The following SEPTIN12 variants were observed in gnomAD, a reference collection of about 807,000 sequenced individuals.
SEPTIN12 encodes septin 12.
SEPTIN12 carries 42 observed loss-of-function variants against 37.7 expected under a neutral mutation model. The ratio of observed to expected loss-of-function variants is 1.11; its 90% CI spans 0.87 to 1.44. The LOEUF (loss-of-function observed/expected upper bound fraction) is 1.44. SEPTIN12 is among the 40% of genes most tolerant of loss of function. The pLI is 0.00. For missense variants in SEPTIN12, 613 were observed against 479.2 expected (o/e 1.28, Z -2.61); for synonymous variants, 254 against 196.7 (o/e 1.29, Z -2.44).
chr16:4,785,858 A>G lies in SEPTIN12; in HGVS notation c.323T>C (p.Leu108Pro). Residue 108 changes from leucine to proline, a missense_variant, in exon 4 of 10, where the codon CTG becomes CCG. Leu to Pro is a moderately conservative substitution (Grantham distance 98, BLOSUM62 -3). Transcript: ENST00000268231. ...GAAGCCGGGCGTGTCCGTCACCGTC[A>G]GCTTCAGCTTCACACCCTTCTCCTC... ...VIEEKGVKLK[L>P]TVTDTPGFGD... 1 of 1,609,948 alleles carries G rather than the reference A, an allele frequency of 6.2e-7. No homozygotes were observed. The highest frequency in any genetic ancestry group is 8.5e-7 in the Non-Finnish European group (1 of 1,178,682).
In SEPTIN12 at chr16:4,787,677, G is replaced by C; in HGVS notation, c.-22-10C>G. On this transcript the variant is annotated splice_polypyrimidine_tract_variant and intron_variant, in intron 1 of 9. Transcript: ENST00000268231. ...CAAGGGTTCGAGATGCCTGTCACCA[G>C]GTGGGTGGGGAGAAGGGGGTCACTG... The C allele has an allele frequency of 7.7e-7, 1 of 1,301,606 alleles. No individual in the cohort carries two copies. The highest frequency in any genetic ancestry group is 1.1e-6 in the Non-Finnish European group (1 of 933,856). 80.6% of individuals were successfully genotyped at this position (1,301,606 alleles called of 1,614,324 possible).
At chr16:4,787,026 C>G (rs2082464662) in intron 2 of SEPTIN12, among the ~76,000 whole-genome samples, 1 of 152,070 alleles carries the variant, frequency 6.6e-6, no homozygotes, top group Admixed American at 6.6e-5. Flanking sequence ...CAGGCGCCCA[C>G]CACCACGCCT....
Position 4,783,964 on chromosome 16 carries a change from C to G in SEPTIN12, c.479G>C (p.Cys160Ser), listed in dbSNP as rs772419967. The change falls in exon 5 of 10, where the codon TGC (cysteine) becomes TCC (serine). Residue 160 changes from cysteine to serine, a missense_variant. Transcript: ENST00000268231. ...AGTGGGTGGTACAAAGTACACGCAGCAGTGCACCCGGGTGTCTGGGATGTG... is the reference window on the plus strand; with the variant it reads ...AGTGGGTGGTACAAAGTACACGCAGGAGTGCACCCGGGTGTCTGGGATGTG... ...QRHIPDTRVHCCVYFVPPTGH... is the reference protein window; with the variant it reads ...QRHIPDTRVHSCVYFVPPTGH... 1.7e-5 allele frequency: 27 copies of G among 1,614,068 alleles called. No individual in the cohort carries two copies. The highest frequency in any genetic ancestry group is 2.0e-5 in the Non-Finnish European group (24 of 1,180,034).
chr16:4,787,902 C>T (rs534390201), intron 1 of SEPTIN12: 1 of 452,388 alleles, frequency 2.2e-6, no homozygotes, highest in Non-Finnish European at 4.0e-6. Context: ...GCCCAAGGGT[C>T]TGCCCTGTCC....
intron 7 of SEPTIN12, among the ~76,000 whole-genome samples, chr16:4,782,475 A>G (rs2141870583): frequency 6.6e-6 from 1 of 152,316 alleles, no homozygotes; most frequent in Admixed American, 6.5e-5. Flanking sequence ...GTAGGAGTTC[A>G]GTTGCTGGGT....
At chr16:4,791,806 G>C (rs915457457), upstream of SEPTIN12, among the ~76,000 whole-genome samples, 16 of 152,104 alleles carry the variant, frequency 1.1e-4, 1 homozygote, top group African/African-American at 3.9e-4. Context: ...TCCTGCCTCA[G>C]CTTCCCGAGT....
chr16:4,784,019 G>A lies in SEPTIN12; in HGVS notation c.424C>T (p.Gln142Ter). 4 of 1,614,158 alleles carry A rather than the reference G, an allele frequency of 2.5e-6. No individual in the cohort carries two copies. Among genetic ancestry groups the A allele is most frequent in the African/African-American group, 1.3e-5 (1 of 75,056 alleles). ...YINEQYEQYL[Q>*]EEILITRQRH... The stretch of plus-strand genomic sequence containing the variant: ...TGGCGGGTGATGAGGATCTCCTCCT[G>A]CAGGTACTGCTCGTATTGCTCGTTG... Residue 142 changes from glutamine (Q) to a stop codon, truncating the protein, a stop_gained, in exon 5 of 10, where the codon CAG (glutamine) becomes TAG (stop). Coordinates refer to ENST00000268231, the MANE Select transcript of SEPTIN12 (RefSeq NM_144605.5). LOFTEE classifies it high-confidence loss of function.
At chr16:4,782,937 C>G (rs1418975954) in intron 7 of SEPTIN12, among the ~76,000 whole-genome samples, 3 of 150,332 alleles carry the variant, frequency 2.0e-5, no homozygotes, top group Non-Finnish European at 4.4e-5. Flanking sequence ...TGGAGTTTCA[C>G]TCTTCTTGCC....
chr16:4,783,486 G>T lies in SEPTIN12; in HGVS notation c.702C>A (p.Asp234Glu), dbSNP rs2082395467. The part of the protein sequence containing the change: ...PQMCFDEDIN[D>E]KILNSKLRDR... ...CCCGTAACTTGCTGTTGAGGATTTT[G>T]TCATTGATGTCCTCGTCAAAGCACA... Residue 234 changes from aspartate (D) to glutamate (E), a missense_variant, in exon 7 of 10, where the codon GAC becomes GAA. Coordinates refer to ENST00000268231, the MANE Select transcript of SEPTIN12 (RefSeq NM_144605.5). 2 of 1,613,978 alleles carry T rather than the reference G, an allele frequency of 1.2e-6. No individual in the cohort carries two copies. Among genetic ancestry groups the T allele is most frequent in the African/African-American group, 2.7e-5 (2 of 74,920 alleles).
chr16:4,785,158 G>C (rs890924879), intron 4 of SEPTIN12, among the ~76,000 whole-genome samples: 2 of 152,134 alleles, frequency 1.3e-5, no homozygotes, highest in South Asian at 2.1e-4. Context: ...GCTGAGGCAG[G>C]AGAATTGCTT....
chr16:4,783,385 G>A (rs992331498), intron 7 of SEPTIN12, 77 bp downstream of exon 7: 5 of 1,087,198 alleles, frequency 4.6e-6, no homozygotes, highest in Middle Eastern at 2.7e-4. Context: ...GAGATGTAGA[G>A]AAAGATGAGT....
At chr16:4,778,188 G>C (rs753531615) in intron 8 of SEPTIN12, 51 bp from the exon 9 acceptor site, 1 of 1,584,618 alleles carries the variant, frequency 6.3e-7, no homozygotes, top group South Asian at 1.1e-5. Flanking sequence ...CACTGAGTAA[G>C]TGCCTACTGT....
At chr16:4,791,331 G>A (rs2082547972), upstream of SEPTIN12, among the ~76,000 whole-genome samples, 1 of 152,210 alleles carries the variant, frequency 6.6e-6, no homozygotes, top group Non-Finnish European at 1.5e-5. Flanking sequence ...TGACTATGGT[G>A]GAAGAGGACA....
At chr16:4,791,715 T>C (rs2082553752), upstream of SEPTIN12, among the ~76,000 whole-genome samples, 1 of 152,160 alleles carries the variant, frequency 6.6e-6, no homozygotes, top group African/African-American at 2.4e-5. Context: ...TGAGACACAG[T>C]CTCACTCTGT....
rs199937179 is a variant in SEPTIN12 at position 4,786,112 on chromosome 16, G to A, written c.167-7C>T. ...TTGCCCAGCCCGCTTTGCCCTGGGA[G>A]TGGCAACCGGATGACAGCAGTTAGG... On this transcript the variant is annotated splice_region_variant and splice_polypyrimidine_tract_variant and intron_variant, in intron 2 of 9. Coordinates refer to ENST00000268231, the MANE Select transcript of SEPTIN12 (RefSeq NM_144605.5). 1.3e-6 allele frequency: 2 copies of A among 1,596,056 alleles called. No homozygotes were observed. Among genetic ancestry groups the A allele is most frequent in the Admixed American group, 1.7e-5 (1 of 57,628 alleles).
intron 9 of SEPTIN12, 28 bp downstream of exon 9, chr16:4,778,058 C>T: frequency 6.2e-7 from 1 of 1,613,854 alleles, no homozygotes; most frequent in South Asian, 1.1e-5. Flanking sequence ...TCGCCAGCCC[C>T]CTAGCCCCAG....
At chr16:4,778,809 T>A (rs8060258) in intron 8 of SEPTIN12, among the ~76,000 whole-genome samples, 1 of 147,904 alleles carries the variant, frequency 6.8e-6, no homozygotes, top group Non-Finnish European at 1.5e-5. Context: ...CAAAAAAATA[T>A]ATATATATAG....
chr16:4,778,128 A>G lies in SEPTIN12; in HGVS notation c.833T>C (p.Met278Thr), dbSNP rs1391037002. The G allele has an allele frequency of 1.9e-6, 3 of 1,614,044 alleles. No individual in the cohort carries two copies. The highest frequency in any genetic ancestry group is 4.5e-5 in the East Asian group (2 of 44,890). Reference sequence around the variant, plus strand: ...CAGGAGAGGAAATTCACAGTGCGCCATGTTCTCCACTGCAAGACATGGGAC... The same window carrying G: ...CAGGAGAGGAAATTCACAGTGCGCCGTGTTCTCCACTGCAAGACATGGGAC... ...TKWGIIEVEN[M>T]AHCEFPLLRD... The change falls in exon 9 of 10, where the codon ATG (methionine) becomes ACG (threonine). Residue 278 changes from methionine to threonine, a missense_variant. By Grantham distance (81) the Met-to-Thr change is moderately conservative. Transcript: ENST00000268231.
chr16:4,783,600 C>A lies in SEPTIN12; in HGVS notation c.631-43G>T, dbSNP rs762859929. ...GTGACCTCAGCCCACCCTGCCCACT[C>A]TGCCCTCTGCCCCCGCTGACCCCAG... On this transcript the variant is annotated intron_variant, in intron 6 of 9. Transcript: ENST00000268231. 2.5e-6 allele frequency: 4 copies of A among 1,611,666 alleles called. No individual in the cohort carries two copies. The Admixed American group carries it at 6.7e-5, about 27-fold the overall frequency.
Sources: gnomAD v4.1 joint callset for allele counts (sites outside exome capture counted in the v4.1 genomes callset) on GRCh38, gnomAD v4.1.1 for gene constraint, MANE v1.5 for transcripts, NCBI Gene and HGNC (gene_info 2026-07-23, HGNC 2026-07-21) for gene names.